Variants in EPHB2 observed in about 807,000 individuals in gnomAD.
EPHB2 encodes ephrin type-B receptor 2.
EPHB2 carries 18 observed loss-of-function variants against 96.4 expected under a neutral mutation model. The ratio of observed to expected loss-of-function variants is 0.19; its 90% CI spans 0.13 to 0.28. The LOEUF (loss-of-function observed/expected upper bound fraction) is 0.28, where lower values mean the gene tolerates loss of function less well. EPHB2 is among the 10% of genes least tolerant of loss of function. The pLI is 1.00. For missense variants in EPHB2, 989 were observed against 1,355.4 expected, an observed-to-expected ratio of 0.73 and a Z score of 4.25; for synonymous variants, 506 against 534.1, an observed-to-expected ratio of 0.95 and a Z score of 0.72.
chr1:22,745,573 G>A (rs536168643), intron 1 of EPHB2, among the ~76,000 whole-genome samples: 3 of 152,130 alleles, frequency 2.0e-5, no homozygotes, highest in African/African-American at 4.8e-5. Context: ...GCTATACCTC[G>A]ATTAAAAAAA....
intron 1 of EPHB2, among the ~76,000 whole-genome samples, chr1:22,774,250 CCTGCAGTAA>C (rs1223210576): frequency 1.1e-4 from 16 of 152,336 alleles, no homozygotes; most frequent in African/African-American, 3.8e-4. Flanking sequence ...TCCGCCTCTC[CCTGCAGTAA>C]GTTCACACGT....
intron 3 of EPHB2, among the ~76,000 whole-genome samples, chr1:22,841,397 A>C (rs1191439870): frequency 1.3e-5 from 2 of 151,960 alleles, no homozygotes; most frequent in African/African-American, 4.8e-5. Flanking sequence ...GGCAGGAGGG[A>C]GTCTGGACTG....
intron 3 of EPHB2, among the ~76,000 whole-genome samples, chr1:22,821,755 G>C (rs17488348): frequency 0.29 from 43,857 of 152,080 alleles, 6,769 homozygotes; most frequent in Middle Eastern, 0.45. Flanking sequence ...ATCTGATTCT[G>C]TTCCCAACAT....
At position 22,906,182 on chromosome 1, in the gene EPHB2, T is replaced by C; in HGVS notation, c.1888+73T>C. The C allele has an allele frequency of 6.2e-7, 1 of 1,610,030 alleles. No individual in the cohort carries two copies. The highest frequency in any genetic ancestry group is 8.5e-7 in the Non-Finnish European group (1 of 1,178,284). On this transcript the variant is annotated intron_variant, in intron 10 of 15. Coordinates refer to ENST00000374630, the MANE Select transcript of EPHB2 (RefSeq NM_017449.5). This position sits in a 1 kb window ranked among gnomAD's most constrained non-coding sequence, Gnocchi z 4.8. ...GTGAGACCACCCCAATGTATACCCT[T>C]GGGGCAGAAGGTAGGATGTGGGACA...
chr1:22,921,279 A>ATATGGGT lies in EPHB2; in HGVS notation c.*7711_*7717dup, dbSNP rs1453366940. 1 of 152,124 alleles carries ATATGGGT rather than the reference A, an allele frequency of 6.6e-6. No individual in the cohort carries two copies. Among genetic ancestry groups the ATATGGGT allele is most frequent in the Non-Finnish European group, 1.5e-5 (1 of 68,042 alleles). 9.4% of individuals were successfully genotyped at this position (152,124 alleles called of 1,614,324 possible). On this transcript the variant is annotated 3_prime_UTR_variant, in exon 16 of 16. Transcript: ENST00000374630. ...AGAACCCTGTTTCCTGTGGTCATAA[A>ATATGGGT]TATGGGTTTTCCTGACAATGTTGGG...
intron 9 of EPHB2, among the ~76,000 whole-genome samples, chr1:22,899,208 A>G (rs1639671030): frequency 6.6e-6 from 1 of 150,880 alleles, no homozygotes; most frequent in Non-Finnish European, 1.5e-5. Context: ...AAAAAAAAAA[A>G]AAATAGTTTG....
At chr1:22,862,968 C>G in intron 3 of EPHB2, 69 bp from the exon 4 acceptor site, 2 of 1,604,444 alleles carry the variant, frequency 1.2e-6, no homozygotes, top group South Asian at 2.2e-5. Flanking sequence ...CTCCGTGAGG[C>G]TGCGTGGCTC....
At chr1:22,725,514 C>T (rs1643562742) in intron 1 of EPHB2, among the ~76,000 whole-genome samples, 1 of 151,888 alleles carries the variant, frequency 6.6e-6, no homozygotes, top group South Asian at 2.1e-4. Flanking sequence ...CCCGAGACTC[C>T]CTTTTGTATC....
At position 22,784,651 on chromosome 1, in the gene EPHB2, A is replaced by G. The variant is rs749417609; in HGVS notation, c.386A>G (p.Asn129Ser). ...DFDSATKTFP[N>S]WMENPWVKVD... is the part of the protein sequence containing the mutation. ...GACTCGGCCACCAAGACCTTCCCCA[A>G]CTGGATGGAGAATCCATGGGTGAAG... Residue 129 changes from asparagine to serine, a missense_variant, in exon 3 of 16, where the codon AAC becomes AGC. Physicochemically the swap from Asn to Ser is conservative, Grantham distance 46 (BLOSUM62 1). Coordinates refer to ENST00000374630, the MANE Select transcript of EPHB2 (RefSeq NM_017449.5). The surrounding 1 kb of genome is among the most constrained non-coding windows in gnomAD (Gnocchi z 5.1). The G allele has an allele frequency of 1.3e-5, 21 of 1,614,070 alleles. No individual in the cohort carries two copies. Among genetic ancestry groups the G allele is most frequent in the South Asian group, 3.3e-5 (3 of 91,070 alleles).
intron 3 of EPHB2, among the ~76,000 whole-genome samples, chr1:22,787,065 T>A (rs1044739888): frequency 2.1e-4 from 32 of 152,234 alleles, no homozygotes; most frequent in African/African-American, 7.5e-4. Context: ...AGACCTTATG[T>A]TGAGCATCAG....
Position 22,882,347 on chromosome 1 carries a change from C to T in EPHB2, c.1304-12C>T. On this transcript the variant is annotated splice_polypyrimidine_tract_variant and intron_variant, in intron 5 of 15. Coordinates refer to ENST00000374630, the MANE Select transcript of EPHB2 (RefSeq NM_017449.5). ...TGCCTCCCTGATCCCTGACCTCTGGCCTCTCTTCCAGCTCCATCGGCAGTG... is the reference window on the plus strand; with the variant it reads ...TGCCTCCCTGATCCCTGACCTCTGGTCTCTCTTCCAGCTCCATCGGCAGTG... The T allele has an allele frequency of 1.2e-6, 2 of 1,613,514 alleles. No homozygotes were observed. The highest frequency in any genetic ancestry group is 1.3e-5 in the African/African-American group (1 of 75,056).
At chr1:22,802,617 C>A (rs768238438) in intron 3 of EPHB2, among the ~76,000 whole-genome samples, 1 of 152,070 alleles carries the variant, frequency 6.6e-6, no homozygotes, top group Non-Finnish European at 1.5e-5. Flanking sequence ...AAGGGTAGTC[C>A]GTAGCAGAGA....
Position 22,905,890 on chromosome 1 carries a change from GA to G in EPHB2, c.1766-96del. ...CCCAGTTCTTATGGGGGCCACATGG[GA>G]GTGGATTTCCCTCCACGGAGGGACT... is the stretch of plus-strand genomic sequence containing the variant. On this transcript the variant is annotated intron_variant, in intron 9 of 15. Coordinates refer to ENST00000374630, the MANE Select transcript of EPHB2 (RefSeq NM_017449.5). 2.5e-6 allele frequency: 4 copies of G among 1,595,212 alleles called. No individual in the cohort carries two copies. The South Asian group carries it at 4.4e-5, about 18-fold the overall frequency.
chr1:22,889,267 A>G (rs898518608), intron 6 of EPHB2, among the ~76,000 whole-genome samples: 3 of 152,172 alleles, frequency 2.0e-5, no homozygotes, highest in African/African-American at 7.2e-5. Context: ...CTCATGAGGC[A>G]CCTATGGAAC....
At chr1:22,837,680 C>T (rs1160287682) in intron 3 of EPHB2, among the ~76,000 whole-genome samples, 1 of 152,212 alleles carries the variant, frequency 6.6e-6, no homozygotes, top group Non-Finnish European at 1.5e-5. Context: ...CAGTCCCAGA[C>T]CAGTCCTTCC....
intron 3 of EPHB2, 54 bp from the exon 4 acceptor site, chr1:22,862,983 C>T (rs1020413098): frequency 2.5e-6 from 4 of 1,613,028 alleles, no homozygotes; most frequent in Non-Finnish European, 3.4e-6. Context: ...TGGCTCGTGA[C>T]CTCTCTGAGT....
intron 3 of EPHB2, among the ~76,000 whole-genome samples, chr1:22,811,848 G>A (rs556987257): frequency 1.3e-5 from 2 of 151,982 alleles, no homozygotes; most frequent in Admixed American, 1.3e-4. Context: ...AGACCAGCCT[G>A]GGCAACATAG....
chr1:22,847,767 G>A (rs911325570), intron 3 of EPHB2, among the ~76,000 whole-genome samples: 1 of 110,818 alleles, frequency 9.0e-6, no homozygotes, highest in Non-Finnish European at 1.8e-5. Flanking sequence ...CAGATCAACT[G>A]TCTCACCTCG....
chr1:22,723,769 T>G (rs882024), intron 1 of EPHB2, among the ~76,000 whole-genome samples: 59,397 of 152,252 alleles, frequency 0.39, 14,024 homozygotes, highest in East Asian at 0.87. Flanking sequence ...CCCCATGGTG[T>G]TGTTTGAGGA....
Sources: allele counts gnomAD v4.1 joint callset (sites outside exome capture counted in the v4.1 genomes callset), GRCh38; gene constraint gnomAD v4.1.1; non-coding constraint Gnocchi (gnomAD v3.1); transcripts MANE v1.5; gene names NCBI Gene and HGNC (gene_info 2026-07-23, HGNC 2026-07-21).